Variants in ARMC5 observed in about 807,000 individuals in gnomAD.
The protein encoded by ARMC5 is armadillo repeat-containing protein 5.
In ARMC5, 28 loss-of-function variants were observed where a neutral mutation model predicts 60.5. The observed-to-expected ratio is 0.46, with a 90% CI of 0.34 to 0.63. The LOEUF is 0.63. Among genes scored for constraint, ARMC5 ranks in the 30% least tolerant of loss-of-function variants. The pLI, the probability that ARMC5 is intolerant of heterozygous loss-of-function variation, is 0.01. For synonymous variants in ARMC5, 680 were observed against 607.3 expected (o/e 1.12, Z -1.76); for missense variants, 1,189 against 1,304.9 (o/e 0.91, Z 1.37).
intron 4 of ARMC5, chr16:31,465,518 A>G (rs2082348656): frequency 1.2e-6 from 1 of 837,258 alleles, no homozygotes. Flanking sequence ...AATGATATTC[A>G]TATATCTCTA....
At chr16:31,461,860 A>C (rs2082306100) in intron 1 of ARMC5, 62 bp from the exon 2 acceptor site, 2 of 1,475,848 alleles carry the variant, frequency 1.4e-6, no homozygotes, top group Non-Finnish European at 1.9e-6. Flanking sequence ...CACATTCTCC[A>C]GGTTATTGAT....
chr16:31,465,215 G>A (rs370295335), intron 4 of ARMC5: 1 of 1,560,466 alleles, frequency 6.4e-7, no homozygotes. Context: ...CTCCCCACCA[G>A]CACGCTGACC....
Position 31,464,359 on chromosome 16 carries a change from T to A in ARMC5, c.1371-35T>A. 1 of 1,442,086 alleles carries A rather than the reference T, an allele frequency of 6.9e-7. No homozygotes were observed. Among genetic ancestry groups the A allele is most frequent in the Non-Finnish European group, 9.2e-7 (1 of 1,083,452 alleles). 89.3% of individuals were successfully genotyped at this position (1,442,086 alleles called of 1,614,324 possible). A position where few individuals can be genotyped will look rare whatever the true frequency, so the allele number is the denominator to read the frequency against. ...GGACTCTGCCCCTTAACCTTGGCTC[T>A]GGGTTCAGTCTCCTTCCCTTTCTGC... On this transcript the variant is annotated intron_variant, in intron 3 of 5. Transcript: ENST00000268314. This position sits in a 1 kb window ranked among gnomAD's most constrained non-coding sequence, Gnocchi z 7.6.
rs749958844 is a variant in ARMC5, at chr16:31,465,841, C to CA, written c.1865-8dup. The CA allele has an allele frequency of 6.8e-6, 11 of 1,608,412 alleles. No individual in the cohort carries two copies. Among genetic ancestry groups the CA allele is most frequent in the African/African-American group, 1.3e-5 (1 of 74,936 alleles). ...CCAGTTCCCAGCCTGACAAGCTTTC[C>CA]ACTCACAGGGGAGAGGCTACTGCAG... On this transcript the variant is annotated splice_polypyrimidine_tract_variant and intron_variant, in intron 4 of 5. Coordinates refer to ENST00000268314, the MANE Select transcript of ARMC5 (RefSeq NM_001105247.2).
Position 31,459,780 on chromosome 16 carries a change from C to G in ARMC5, c.256C>G (p.Gln86Glu). The change falls in exon 1 of 6, where the codon CAG (glutamine) becomes GAG (glutamate). Residue 86 changes from glutamine to glutamate, a missense_variant. Coordinates refer to ENST00000268314, the MANE Select transcript of ARMC5 (RefSeq NM_001105247.2). The stretch of plus-strand genomic sequence containing the variant: ...GGCTGCAGCGGGTTCCGCCCCGTCC[C>G]AGGCAGGCCCCGGCTCCGCCCCCTC... ...RAAAAGSAPS[Q>E]AGPGSAPSSA... 1 of 1,540,546 alleles carries G rather than the reference C, an allele frequency of 6.5e-7. No homozygotes were observed. The highest frequency in any genetic ancestry group is 2.2e-4 in the Middle Eastern group (1 of 4,574).
In ARMC5 at chr16:31,464,175, A is replaced by G. The variant is rs542942838; in HGVS notation, c.1371-219A>G. 7.0e-4 allele frequency among the ~76,000 whole-genome samples: 107 copies of G among 151,902 alleles called. No homozygotes were observed. Among genetic ancestry groups the G allele is most frequent in the African/African-American group, 2.4e-3 (99 of 41,400 alleles). ...GTGTGGTGCACACAGCTGTAGTGCC[A>G]GCTACTTGGGAGGCTGAGGTGGGAG... On this transcript the variant is annotated intron_variant, in intron 3 of 5. Coordinates refer to ENST00000268314, the MANE Select transcript of ARMC5 (RefSeq NM_001105247.2). The surrounding 1 kb of genome is among the most constrained non-coding windows in gnomAD (Gnocchi z 7.6).
At position 31,465,256 on chromosome 16, in the gene ARMC5, C is replaced by T; in HGVS notation, c.1864+369C>T. 7 of 1,534,284 alleles carry T rather than the reference C, an allele frequency of 4.6e-6. No individual in the cohort carries two copies. The South Asian group carries it at 8.8e-5, about 19-fold the overall frequency. ...ACCCCAGCCTCACCATCACCCCCAGCACTGCCAGGGACTGCCCTGTCTGCT... is the reference window on the plus strand; with the variant it reads ...ACCCCAGCCTCACCATCACCCCCAGTACTGCCAGGGACTGCCCTGTCTGCT... On this transcript the variant is annotated intron_variant, in intron 4 of 5. Transcript: ENST00000268314.
chr16:31,460,004 G>C lies in ARMC5; in HGVS notation c.475+5G>C. 1 of 1,593,994 alleles carries C rather than the reference G, an allele frequency of 6.3e-7. No homozygotes were observed. The highest frequency in any genetic ancestry group is 1.1e-5 in the South Asian group (1 of 90,298). On this transcript the variant is annotated splice_donor_5th_base_variant and intron_variant, in intron 1 of 5. Transcript: ENST00000268314. ...TCGGAGGCATACTCCCTTTGGGTAA[G>C]TGCTCCGCCCCCGTTTCCTAGAAAG...
chr16:31,458,780 C>T, upstream of ARMC5: 1 of 1,513,062 alleles, frequency 6.6e-7, no homozygotes, highest in South Asian at 1.2e-5. Flanking sequence ...CGCCGCCCCG[C>T]CCCGTCCGGA....
chr16:31,466,019 G>A lies in ARMC5; in HGVS notation c.1997+37G>A, dbSNP rs768059936. ...GTGGGTGCCTTGCGGGGTTGGGGGA[G>A]GAGTGCTGTGTTTCCCAGGCCCGTT... is the stretch of plus-strand genomic sequence containing the variant. On this transcript the variant is annotated intron_variant, in intron 5 of 5. Coordinates refer to ENST00000268314, the MANE Select transcript of ARMC5 (RefSeq NM_001105247.2). The surrounding 1 kb of genome is among the most constrained non-coding windows in gnomAD (Gnocchi z 8.0). The A allele has an allele frequency of 5.1e-5, 81 of 1,595,664 alleles. No homozygotes were observed. The South Asian group carries it at 8.5e-4, about 17-fold the overall frequency.
rs955116802 is a variant in ARMC5, at chr16:31,464,128, A to C, written c.1371-266A>C. ...CAACATAGCGAGACCCATCTCTACA[A>C]AACATTTAAAAAATTAGCTGAGTGT... On this transcript the variant is annotated intron_variant, in intron 3 of 5. Transcript: ENST00000268314. The surrounding 1 kb of genome is among the most constrained non-coding windows in gnomAD (Gnocchi z 7.6). 2.7e-5 allele frequency among the ~76,000 whole-genome samples: 4 copies of C among 145,732 alleles called. No individual in the cohort carries two copies. Among genetic ancestry groups the C allele is most frequent in the Admixed American group, 2.7e-4 (4 of 14,602 alleles).
upstream of ARMC5, chr16:31,458,670 C>A (rs900379627): frequency 6.9e-7 from 1 of 1,446,680 alleles, no homozygotes; most frequent in Non-Finnish European, 9.1e-7. Flanking sequence ...TCCGGGCGGG[C>A]AGCTGCCCCG....
At chr16:31,461,591 T>A (rs781622491) in intron 1 of ARMC5, among the ~76,000 whole-genome samples, 19 of 152,212 alleles carry the variant, frequency 1.2e-4, no homozygotes, top group Non-Finnish European at 2.8e-4. Flanking sequence ...TACTGCAACC[T>A]CTGCCTCCTG....
At chr16:31,458,608 G>A (rs1030174070), upstream of ARMC5, 40 of 1,444,470 alleles carry the variant, frequency 2.8e-5, no homozygotes, top group African/African-American at 4.8e-4. Flanking sequence ...GCTTGTAGAC[G>A]GTTGCTCTTG....
intron 4 of ARMC5, chr16:31,465,122 C>G (rs758631599): frequency 1.4e-5 from 22 of 1,614,032 alleles, no homozygotes; most frequent in Admixed American, 1.7e-5. Flanking sequence ...TACCCTAACT[C>G]TAGATGCAGC....
At chr16:31,459,151 A>C (rs2082274133), upstream of ARMC5, 26 of 1,501,434 alleles carry the variant, frequency 1.7e-5, no homozygotes, top group South Asian at 2.9e-4. Flanking sequence ...GTCCCCGCCG[A>C]GTGCACGCCG....
chr16:31,465,106 C>A, intron 4 of ARMC5: 2 of 1,614,038 alleles, frequency 1.2e-6, no homozygotes, highest in Non-Finnish European at 8.5e-7. Context: ...AGCCCTGGGA[C>A]CCAGATACCC....
chr16:31,459,168 G>GGGCAC, upstream of ARMC5: 1 of 1,511,490 alleles, frequency 6.6e-7, no homozygotes, highest in South Asian at 1.2e-5. Context: ...GCCGGGGGCG[G>GGGCAC]GGCACGGCAC....
intron 4 of ARMC5, 142 bp from the exon 5 acceptor site, chr16:31,465,708 G>A (rs2082350642): frequency 4.7e-6 from 7 of 1,478,192 alleles, no homozygotes; most frequent in Non-Finnish European, 5.3e-6. Context: ...CCAGCGTCCC[G>A]AGCCCAGCAC....
Sources: gnomAD v4.1 joint callset for allele counts (sites outside exome capture counted in the v4.1 genomes callset) on GRCh38, gnomAD v4.1.1 for gene constraint, Gnocchi (gnomAD v3.1) non-coding constraint, MANE v1.5 for transcripts, NCBI Gene and HGNC (gene_info 2026-07-23, HGNC 2026-07-21) for gene names.